Variants in PRKX observed in about 807,000 individuals in gnomAD.
PRKX encodes protein kinase cAMP-dependent X-linked catalytic subunit, also known as cAMP-dependent protein kinase catalytic subunit PRKX.
PRKX carries 12 observed loss-of-function variants against 22.0 expected under a neutral mutation model. The ratio of observed to expected loss-of-function variants is 0.54; its 90% confidence interval spans 0.35 to 0.88. PRKX has a LOEUF of 0.88. Among genes scored for constraint, PRKX ranks in the 40% least tolerant of loss-of-function variants. PRKX has a pLI of 0.01. For missense variants in PRKX, 217 were observed against 308.0 expected (o/e 0.70, Z 2.21); for synonymous variants, 134 against 137.7 (o/e 0.97, Z 0.19).
intron 1 of PRKX, among the ~76,000 whole-genome samples, chrX:3,675,933 G>C (rs965028116): frequency 9.0e-6 from 1 of 111,214 alleles, no homozygotes; most frequent in African/African-American, 3.3e-5. Context: ...TTTGTAAAGA[G>C]GGGGTCACAC....
At chrX:3,624,343 G>C (rs912182820) in intron 5 of PRKX, among the ~76,000 whole-genome samples, 2 of 111,255 alleles carry the variant, frequency 1.8e-5, no homozygotes, top group South Asian at 7.6e-4. Flanking sequence ...CCCACACTGG[G>C]TATGTAAAGA....
chrX:3,698,525 GTTTT>G (rs1248152471), intron 1 of PRKX, among the ~76,000 whole-genome samples: 2 of 109,163 alleles, frequency 1.8e-5, no homozygotes, highest in Non-Finnish European at 3.8e-5. Flanking sequence ...TGTTGTTGTT[GTTTT>G]GTTTTTGTCT....
intron 2 of PRKX, among the ~76,000 whole-genome samples, chrX:3,664,203 C>G (rs1055191351): frequency 8.9e-6 from 1 of 111,974 alleles, no homozygotes; most frequent in Admixed American, 9.5e-5. Flanking sequence ...CCCCTTTCCT[C>G]CACTTCCACA....
At chrX:3,698,273 G>A (rs1293701273) in intron 1 of PRKX, among the ~76,000 whole-genome samples, 2 of 111,678 alleles carry the variant, frequency 1.8e-5, no homozygotes, top group African/African-American at 6.5e-5. Flanking sequence ...CACAGACGCA[G>A]GAAGAAATGC....
chrX:3,630,778 T>C (rs1248282658), intron 4 of PRKX, among the ~76,000 whole-genome samples: 1 of 111,162 alleles, frequency 9.0e-6, no homozygotes, highest in Non-Finnish European at 1.9e-5. Context: ...AGGGCAATGT[T>C]GCTAAACTGT....
At position 3,659,920 on chromosome X, in the gene PRKX, G is replaced by A. The variant is rs182241613; in HGVS notation, c.336-4508C>T. On this transcript the variant is annotated intron_variant, in intron 2 of 8. Transcript: ENST00000262848. ...TGGTATGTAGTGGCTGTTTTCCAGA[G>A]CAATCTGCTGGAGTTCTAAAAGACC... 3.0e-3 allele frequency among the ~76,000 whole-genome samples: 334 copies of A among 110,165 alleles called. 3 individuals carry two copies. The highest frequency in any genetic ancestry group is 0.01 in the African/African-American group (306 of 30,300).
chrX:3,606,794 G>A lies in PRKX; in HGVS notation c.*2175C>T, dbSNP rs1926183997. On this transcript the variant is annotated 3_prime_UTR_variant, in exon 9 of 9. Coordinates refer to ENST00000262848, the MANE Select transcript of PRKX (RefSeq NM_005044.5). ...ATGACCCCGCCATGGGCAGTTACCA[G>A]GTAGCTTGTGTCACTTCAAATGCTG... 1 of 112,386 alleles carries A rather than the reference G, an allele frequency of 8.9e-6. No individual in the cohort carries two copies. The highest frequency in any genetic ancestry group is 1.9e-5 in the Non-Finnish European group (1 of 53,332). The allele number at this position is 112,386 out of a possible 1,213,427, so 9.3% of individuals were successfully genotyped here. A position where few individuals can be genotyped will look rare whatever the true frequency, so the allele number is the denominator to read the frequency against.
At chrX:3,689,393 AGT>A (rs1928251758) in intron 1 of PRKX, among the ~76,000 whole-genome samples, 1 of 112,601 alleles carries the variant, frequency 8.9e-6, no homozygotes, top group African/African-American at 3.2e-5. Context: ...TTTAAAAAAG[AGT>A]GTGTGTTGCC....
At chrX:3,657,002 G>A (rs777183467) in intron 2 of PRKX, among the ~76,000 whole-genome samples, 76 of 111,609 alleles carry the variant, frequency 6.8e-4, no homozygotes, top group African/African-American at 2.4e-3. Flanking sequence ...CACTGGTCCT[G>A]TTCAGCGGCT....
chrX:3,632,672 A>G (rs1457923399), intron 4 of PRKX, among the ~76,000 whole-genome samples: 2 of 112,013 alleles, frequency 1.8e-5, no homozygotes, highest in South Asian at 3.7e-4. Flanking sequence ...CTGAAAGAAA[A>G]AGCAGAGACA....
chrX:3,686,237 A>T (rs1463478497), intron 1 of PRKX, among the ~76,000 whole-genome samples: 1 of 111,329 alleles, frequency 9.0e-6, no homozygotes, highest in Non-Finnish European at 1.9e-5. Context: ...AGGGAAATGG[A>T]TAAGAAGAGG....
At chrX:3,623,882 T>C (rs1200932590) in intron 5 of PRKX, among the ~76,000 whole-genome samples, 2 of 112,015 alleles carry the variant, frequency 1.8e-5, no homozygotes, top group African/African-American at 3.2e-5. Flanking sequence ...AGCTTTGTTT[T>C]GGTGTTTTGT....
At chrX:3,637,755 TTTTC>T (rs1213634795) in intron 4 of PRKX, among the ~76,000 whole-genome samples, 5 of 102,045 alleles carry the variant, frequency 4.9e-5, no homozygotes, top group African/African-American at 1.3e-4. Context: ...TAATTATTCA[TTTTC>T]TTTCTTTTTT....
At chrX:3,664,814 G>A (rs1927685937) in intron 2 of PRKX, among the ~76,000 whole-genome samples, 1 of 111,835 alleles carries the variant, frequency 8.9e-6, no homozygotes, top group South Asian at 3.7e-4. Flanking sequence ...CTCCCAAAAG[G>A]GGAAGGCTGG....
At chrX:3,613,786 T>G (rs780656704) in intron 7 of PRKX, among the ~76,000 whole-genome samples, 1 of 96,235 alleles carries the variant, frequency 1.0e-5, no homozygotes, top group Non-Finnish European at 2.0e-5. Context: ...GAGGTGGAGG[T>G]TGCAGTGAGT....
intron 2 of PRKX, among the ~76,000 whole-genome samples, chrX:3,656,713 G>A (rs1035705865): frequency 6.3e-5 from 7 of 111,006 alleles, no homozygotes; most frequent in African/African-American, 2.0e-4. Flanking sequence ...ATCAGATACT[G>A]GGATAAGCAT....
chrX:3,666,096 C>T (rs1309525985), intron 2 of PRKX, among the ~76,000 whole-genome samples: 3 of 108,026 alleles, frequency 2.8e-5, no homozygotes, highest in Admixed American at 1.0e-4. Flanking sequence ...CTGCAATCTC[C>T]GCCTCCTGGG....
intron 7 of PRKX, among the ~76,000 whole-genome samples, chrX:3,615,050 G>T (rs1285709671): frequency 1.2e-5 from 1 of 83,051 alleles, no homozygotes; most frequent in Non-Finnish European, 2.2e-5. Context: ...ACAGGGTCTG[G>T]CTCTGTCGCC....
intron 1 of PRKX, among the ~76,000 whole-genome samples, chrX:3,677,122 G>T (rs867871362): frequency 9.0e-6 from 1 of 110,879 alleles, no homozygotes; most frequent in Admixed American, 9.7e-5. Flanking sequence ...AGGGCTTGAG[G>T]GGGAAGGGGA....
Sources: gnomAD v4.1 joint callset for allele counts (sites outside exome capture counted in the v4.1 genomes callset) on GRCh38, gnomAD v4.1.1 for gene constraint, MANE v1.5 for transcripts, NCBI Gene and HGNC (gene_info 2026-07-23, HGNC 2026-07-21) for gene names.